Variants in FARS2 observed in about 807,000 individuals in gnomAD.
FARS2 encodes the protein phenylalanyl-tRNA synthetase 2, mitochondrial.
In FARS2, 40 loss-of-function variants were observed where a neutral mutation model predicts 46.4. The ratio of observed to expected loss-of-function variants is 0.86; its 90% CI spans 0.67 to 1.12. The LOEUF is 1.12. Among genes scored for constraint, FARS2 ranks in the 50% most tolerant of loss-of-function variants. The pLI is 0.00. For missense variants in FARS2, 513 were observed against 567.9 expected (o/e 0.90, Z 0.98); for synonymous variants, 234 against 214.9 (o/e 1.09, Z -0.78).
At chr6:5,593,966 G>A (rs9504439) in intron 5 of FARS2, among the ~76,000 whole-genome samples, 2 of 151,982 alleles carry the variant, frequency 1.3e-5, no homozygotes, top group Non-Finnish European at 2.9e-5. Context: ...GTGTTTCCAC[G>A]TGGCAGGCAT....
chr6:5,529,432 C>T (rs995940078), intron 4 of FARS2, among the ~76,000 whole-genome samples: 3 of 152,092 alleles, frequency 2.0e-5, no homozygotes, highest in Non-Finnish European at 2.9e-5. Flanking sequence ...CTCAGCCTCC[C>T]GAGTAGCTGG....
chr6:5,658,920 T>TG (rs1169497962), intron 6 of FARS2, among the ~76,000 whole-genome samples: 1 of 152,266 alleles, frequency 6.6e-6, no homozygotes, highest in Non-Finnish European at 1.5e-5. Context: ...TTTGAATTAC[T>TG]GTCTCCTTAG....
At chr6:5,592,624 C>G (rs1773980624) in intron 5 of FARS2, among the ~76,000 whole-genome samples, 1 of 152,074 alleles carries the variant, frequency 6.6e-6, no homozygotes, top group South Asian at 2.1e-4. Flanking sequence ...TTATCTAGTG[C>G]CTTTGCTTTA....
chr6:5,618,296 CTCCCCACCAAG>C (rs1210170082), intron 6 of FARS2, among the ~76,000 whole-genome samples: 11 of 152,306 alleles, frequency 7.2e-5, no homozygotes, highest in African/African-American at 2.6e-4. Flanking sequence ...TCCTCCCCAT[CTCCCCACCAAG>C]TCCCTGACTA....
At chr6:5,596,522 A>T (rs914354095) in intron 5 of FARS2, among the ~76,000 whole-genome samples, 1 of 152,226 alleles carries the variant, frequency 6.6e-6, no homozygotes, top group Non-Finnish European at 1.5e-5. Context: ...TTCATTTTGC[A>T]TAAGGGAAAT....
chr6:5,594,974 C>A (rs780458533), intron 5 of FARS2, among the ~76,000 whole-genome samples: 14 of 152,186 alleles, frequency 9.2e-5, no homozygotes, highest in Non-Finnish European at 1.9e-4. Context: ...CAGCCTTCCT[C>A]CAGGGCCAAC....
intron 1 of FARS2, among the ~76,000 whole-genome samples, chr6:5,365,015 C>G (rs570957303): frequency 6.6e-6 from 1 of 151,880 alleles, no homozygotes; most frequent in Admixed American, 6.6e-5. Flanking sequence ...TCCCACTGCA[C>G]TCCAGCCTGG....
chr6:5,690,461 T>G (rs1757612687), intron 6 of FARS2, among the ~76,000 whole-genome samples: 1 of 151,294 alleles, frequency 6.6e-6, no homozygotes, highest in East Asian at 1.9e-4. Flanking sequence ...TTATGAAGCT[T>G]AGTTTGGCTG....
rs187335612 is a variant in FARS2 at position 5,454,851 on chromosome 6, G to A, written c.904+23679G>A. ...TCATTCCAGCTGAGCAAGCCTTTCG[G>A]TTCTCCCTTCCTTTGCTGGGACTGC... On this transcript the variant is annotated intron_variant, in intron 4 of 6. Transcript: ENST00000274680. Among the ~76,000 whole-genome samples, 316 of 152,212 alleles carry A rather than the reference G, an allele frequency of 2.1e-3. 1 individual carries two copies. The highest frequency in any genetic ancestry group is 0.014 in the Middle Eastern group (4 of 294).
chr6:5,634,058 G>A (rs1582635315), intron 6 of FARS2, among the ~76,000 whole-genome samples: 3 of 151,764 alleles, frequency 2.0e-5, no homozygotes, highest in East Asian at 3.9e-4. Flanking sequence ...GCTTTTACAT[G>A]CAAGAAGTTC....
chr6:5,712,295 C>T (rs1319616866), intron 6 of FARS2, among the ~76,000 whole-genome samples: 1 of 152,154 alleles, frequency 6.6e-6, no homozygotes, highest in African/African-American at 2.4e-5. Context: ...ACCTGAGTTA[C>T]TTCATTACAA....
chr6:5,618,866 A>C (rs1414902004), intron 6 of FARS2, among the ~76,000 whole-genome samples: 1 of 152,224 alleles, frequency 6.6e-6, no homozygotes, highest in African/African-American at 2.4e-5. Flanking sequence ...GGAATATGGT[A>C]CTATATGATG....
At chr6:5,563,006 G>GT (rs1373606040) in intron 5 of FARS2, among the ~76,000 whole-genome samples, 8 of 151,422 alleles carry the variant, frequency 5.3e-5, no homozygotes, top group Non-Finnish European at 1.2e-4. Context: ...TGTTTTTGTG[G>GT]TTTTAAGGAG....
intron 4 of FARS2, among the ~76,000 whole-genome samples, chr6:5,439,628 T>G (rs773670693): frequency 6.6e-6 from 1 of 152,192 alleles, no homozygotes; most frequent in Non-Finnish European, 1.5e-5. Context: ...GGACCTGAAC[T>G]GTAGTTTGGG....
chr6:5,394,967 T>TC (rs1760808628), intron 2 of FARS2, among the ~76,000 whole-genome samples: 1 of 151,856 alleles, frequency 6.6e-6, no homozygotes, highest in Non-Finnish European at 1.5e-5. Flanking sequence ...GGCCTCTCTC[T>TC]TTTTTTTGCC....
intron 1 of FARS2, among the ~76,000 whole-genome samples, chr6:5,295,149 C>G (rs943915894): frequency 2.0e-5 from 3 of 152,148 alleles, no homozygotes; most frequent in African/African-American, 7.2e-5. Context: ...CTGTGGAGAG[C>G]TAGGATTTCT....
At chr6:5,485,951 C>T (rs779167152) in intron 4 of FARS2, among the ~76,000 whole-genome samples, 2 of 152,226 alleles carry the variant, frequency 1.3e-5, no homozygotes, top group South Asian at 2.1e-4. Flanking sequence ...CAGGAAGTTC[C>T]GTCGGGCAGC....
At chr6:5,610,260 A>G in intron 5 of FARS2, 1 of 489,838 alleles carries the variant, frequency 2.0e-6, no homozygotes, top group Non-Finnish European at 3.7e-6. Context: ...AGCAGAAAGT[A>G]GCAAGCTGAC....
intron 5 of FARS2, among the ~76,000 whole-genome samples, chr6:5,578,316 C>T (rs1773107005): frequency 6.6e-6 from 1 of 152,070 alleles, no homozygotes; most frequent in African/African-American, 2.4e-5. Flanking sequence ...GGCCCCTTCT[C>T]ACTGGGCAGG....
Sources: allele counts gnomAD v4.1 joint callset (sites outside exome capture counted in the v4.1 genomes callset), GRCh38; gene constraint gnomAD v4.1.1; transcripts MANE v1.5; gene names NCBI Gene and HGNC (gene_info 2026-07-23, HGNC 2026-07-21).